Variants in DOCK7 observed in about 807,000 individuals in gnomAD.
The protein encoded by DOCK7 is dedicator of cytokinesis protein 7.
A neutral mutation model predicts 271.0 loss-of-function variants in DOCK7; 138 were observed. The observed-to-expected ratio is 0.51, with a 90% CI of 0.44 to 0.59. The LOEUF is 0.59. Ranked by LOEUF, DOCK7 falls within the 20% of genes least tolerant of loss-of-function variation. DOCK7 has a pLI of 0.00. For synonymous variants in DOCK7, 823 were observed against 876.1 expected (o/e 0.94, Z 1.07); for missense variants, 2,066 against 2,592.4 (o/e 0.80, Z 4.41).
intron 4 of DOCK7, among the ~76,000 whole-genome samples, chr1:62,652,916 C>T (rs1173839175): frequency 6.6e-6 from 1 of 152,114 alleles, no homozygotes; most frequent in Non-Finnish European, 1.5e-5. Flanking sequence ...CATTATCCCC[C>T]AGAGTGATAT....
At chr1:62,530,407 C>T (rs1474045154) in intron 29 of DOCK7, among the ~76,000 whole-genome samples, 1 of 152,160 alleles carries the variant, frequency 6.6e-6, no homozygotes, top group African/African-American at 2.4e-5. Context: ...AATGTCTCCC[C>T]TCATTAGGTT....
rs66892340 is a variant in DOCK7 at position 62,553,032 on chromosome 1, C to CTTTT, written c.2597-135_2597-132dup. Reference sequence around the variant, plus strand: ...CTTTGGTTTCTAAATAAAAAATATACTTTTTTTTTTTTTTTTTTTTTGAGA... The same window carrying CTTTT: ...CTTTGGTTTCTAAATAAAAAATATACTTTTTTTTTTTTTTTTTTTTTTTTTGAGA... On this transcript the variant is annotated intron_variant, in intron 21 of 49. Transcript: ENST00000635253. The CTTTT allele has an allele frequency of 0.028, 4,746 of 167,816 alleles. 133 individuals are homozygous for CTTTT. Among genetic ancestry groups the CTTTT allele is most frequent in the Non-Finnish European group, 0.033 (3,621 of 110,840 alleles). The allele number at this position is 167,816 out of a possible 1,614,324, so 10.4% of individuals were successfully genotyped here.
chr1:62,534,384 C>T (rs1013116618), intron 29 of DOCK7, among the ~76,000 whole-genome samples: 4 of 151,752 alleles, frequency 2.6e-5, no homozygotes, highest in Admixed American at 6.6e-5. Flanking sequence ...GAGGCCGAGG[C>T]GGGCTGATCA....
chr1:62,597,612 T>C, intron 14 of DOCK7: 3 of 1,612,756 alleles, frequency 1.9e-6, no homozygotes, highest in Non-Finnish European at 2.5e-6. Flanking sequence ...TCTAGTTATT[T>C]CCTCCAGAAT....
At chr1:62,614,723 C>G (rs1277772145) in intron 14 of DOCK7, among the ~76,000 whole-genome samples, 1 of 151,824 alleles carries the variant, frequency 6.6e-6, no homozygotes, top group Non-Finnish European at 1.5e-5. Context: ...GATATAGGTA[C>G]TTTTATTATA....
intron 7 of DOCK7, among the ~76,000 whole-genome samples, chr1:62,644,879 T>C (rs1316418103): frequency 6.6e-6 from 1 of 152,148 alleles, no homozygotes; most frequent in South Asian, 2.1e-4. Flanking sequence ...GAATTTTTAA[T>C]GAGAGACAAA....
chr1:62,683,078 A>T (rs1661351308), intron 1 of DOCK7, among the ~76,000 whole-genome samples: 2 of 152,212 alleles, frequency 1.3e-5, no homozygotes, highest in Admixed American at 6.5e-5. Context: ...TAGAGAAACA[A>T]AATTGTTAAA....
chr1:62,502,401 C>A lies in DOCK7; in HGVS notation c.4764+2229G>T, dbSNP rs143425058. ...AGTTTTATAAGCCCAATTTCGCATA[C>A]ATTTTGTTTTTTGTTTATCTTCCAT... On this transcript the variant is annotated intron_variant, in intron 37 of 49. Coordinates refer to ENST00000635253, the MANE Select transcript of DOCK7 (RefSeq NM_001367561.1). Among the ~76,000 whole-genome samples the A allele has an allele frequency of 1.8e-3, 277 of 152,228 alleles. 1 individual carries two copies. Among genetic ancestry groups the A allele is most frequent in the African/African-American group, 6.5e-3 (269 of 41,550 alleles).
chr1:62,565,638 T>C (rs1646487404), intron 18 of DOCK7, among the ~76,000 whole-genome samples: 2 of 152,164 alleles, frequency 1.3e-5, no homozygotes, highest in South Asian at 2.1e-4. Context: ...GCATCCCCTT[T>C]GAAAACTGGC....
chr1:62,627,610 G>C (rs1337755209), intron 11 of DOCK7: 1 of 151,782 alleles, frequency 6.6e-6, no homozygotes, highest in East Asian at 1.9e-4. Flanking sequence ...ACTTTCTAAA[G>C]ACAGAATTAA....
Position 62,455,372 on chromosome 1 carries a change from A to C in DOCK7, c.*42T>G, listed in dbSNP as rs1347372693. The C allele has an allele frequency of 6.2e-7, 1 of 1,602,082 alleles. No homozygotes were observed. The highest frequency in any genetic ancestry group is 1.1e-5 in the South Asian group (1 of 90,794). ...TAGATCTTTTCACACTCGATGTTGAATACATGGCTCTTTGCAGATGAATAA... is the reference window on the plus strand; with the variant it reads ...TAGATCTTTTCACACTCGATGTTGACTACATGGCTCTTTGCAGATGAATAA... On this transcript the variant is annotated 3_prime_UTR_variant, in exon 50 of 50. Coordinates refer to ENST00000635253, the MANE Select transcript of DOCK7 (RefSeq NM_001367561.1).
At chr1:62,674,933 G>T (rs1356555157) in intron 1 of DOCK7, among the ~76,000 whole-genome samples, 3 of 151,930 alleles carry the variant, frequency 2.0e-5, no homozygotes, top group Non-Finnish European at 4.4e-5. Flanking sequence ...ATGCATAAAA[G>T]AAAAAAACTG....
chr1:62,538,166 C>T, intron 27 of DOCK7, 105 bp from the exon 28 acceptor site: 1 of 1,276,536 alleles, frequency 7.8e-7, no homozygotes. Flanking sequence ...ACTTGGTATC[C>T]AGTTTGGGTT....
chr1:62,539,986 T>C (rs1317048384), intron 25 of DOCK7, 94 bp from the exon 26 acceptor site: 3 of 794,386 alleles, frequency 3.8e-6, no homozygotes, highest in South Asian at 3.1e-5. Context: ...ATATGGCATG[T>C]AATTTAATAG....
chr1:62,655,371 A>C (rs1657881610), intron 2 of DOCK7, among the ~76,000 whole-genome samples: 1 of 152,056 alleles, frequency 6.6e-6, no homozygotes, highest in Non-Finnish European at 1.5e-5. Context: ...GCACATTATT[A>C]ATCTGAAGGT....
At chr1:62,593,172 T>A (rs1350674990) in intron 14 of DOCK7, among the ~76,000 whole-genome samples, 1 of 152,226 alleles carries the variant, frequency 6.6e-6, no homozygotes, top group Non-Finnish European at 1.5e-5. Flanking sequence ...TGTTTAGTCA[T>A]TCAAAGGGTC....
At chr1:62,606,903 A>C (rs916809047) in intron 14 of DOCK7, among the ~76,000 whole-genome samples, 3 of 151,894 alleles carry the variant, frequency 2.0e-5, no homozygotes, top group African/African-American at 7.3e-5. Flanking sequence ...ACTTCACTCA[A>C]ATTCAACATA....
intron 28 of DOCK7, among the ~76,000 whole-genome samples, chr1:62,537,670 T>C (rs1645391907): frequency 6.6e-6 from 1 of 152,102 alleles, no homozygotes; most frequent in Non-Finnish European, 1.5e-5. Context: ...CTCAGTGACC[T>C]TTCTGTGTTT....
intron 14 of DOCK7, chr1:62,604,604 C>A (rs764079640): frequency 1.2e-6 from 2 of 1,600,950 alleles, no homozygotes; most frequent in Non-Finnish European, 1.7e-6. Context: ...GAGTCTGTAC[C>A]CATTAAATTG....
Sources: gnomAD v4.1 joint callset for allele counts (sites outside exome capture counted in the v4.1 genomes callset) on GRCh38, gnomAD v4.1.1 for gene constraint, MANE v1.5 for transcripts, NCBI Gene and HGNC (gene_info 2026-07-23, HGNC 2026-07-21) for gene names.